MUC17: variants seen among roughly 807,000 people sequenced by gnomAD.
MUC17 encodes the protein mucin-17.
In MUC17, 190 loss-of-function variants were observed where a neutral mutation model predicts 170.3. The ratio of observed to expected loss-of-function variants is 1.12; its 90% CI spans 0.99 to 1.26. The LOEUF is 1.26. Ranked by LOEUF, MUC17 falls within the 50% of genes most tolerant of loss-of-function variation. MUC17 has a pLI of 0.00. For synonymous variants in MUC17, 2,325 were observed against 2,002.5 expected (o/e 1.16, Z -4.30); for missense variants, 6,415 against 5,530.0 (o/e 1.16, Z -5.08).
Position 101,041,888 on chromosome 7 carries a change from C to T in MUC17, c.10472C>T (p.Thr3491Ile), listed in dbSNP as rs1395519923. Residue 3491 changes from threonine (T) to isoleucine (I), a missense_variant, in exon 3 of 13, where the codon ACT becomes ATT. Transcript: ENST00000306151. The part of the protein sequence containing the change: ...TPVDTSTPVT[T>I]SSPTNSSPTT... ...GTTGACACCAGCACACCTGTGACCACTTCTTCTCCAACCAATTCATCTCCT... is the reference window on the plus strand; with the variant it reads ...GTTGACACCAGCACACCTGTGACCATTTCTTCTCCAACCAATTCATCTCCT... 9 of 1,613,406 alleles carry T rather than the reference C, an allele frequency of 5.6e-6. No homozygotes were observed. The highest frequency in any genetic ancestry group is 1.3e-5 in the African/African-American group (1 of 74,768).
rs1479402929 is a variant in MUC17 at position 101,039,712 on chromosome 7, T to A, written c.8296T>A (p.Ser2766Thr). ...ILVSTLPVAS[S>T]EASTVSTTAV... Reference sequence around the variant, plus strand: ...TGTCAGCACCCTGCCAGTGGCCAGTTCTGAGGCTAGCACCGTTTCAACAAC... The same window carrying A: ...TGTCAGCACCCTGCCAGTGGCCAGTACTGAGGCTAGCACCGTTTCAACAAC... Residue 2766 changes from serine (S) to threonine (T), a missense_variant, in exon 3 of 13, where the codon TCT becomes ACT. Coordinates refer to ENST00000306151, the MANE Select transcript of MUC17 (RefSeq NM_001040105.2). 4 of 1,613,094 alleles carry A rather than the reference T, an allele frequency of 2.5e-6. No individual in the cohort carries two copies. The African/African-American group carries it at 4.0e-5, about 16-fold the overall frequency.
rs58623975 is a variant in MUC17, at chr7:101,054,057, C to CAAAAAAAAA, written c.13363+648_13363+656dup. On this transcript the variant is annotated intron_variant, in intron 11 of 12. Coordinates refer to ENST00000306151, the MANE Select transcript of MUC17 (RefSeq NM_001040105.2). ...CCTGGGCAACAGAACAAGACCCTGT[C>CAAAAAAAAA]AAAAAAAAAAAAAAAAAAAAAAAAA... Among the ~76,000 whole-genome samples, 34 of 40,382 alleles carry CAAAAAAAAA rather than the reference C, an allele frequency of 8.4e-4. 1 individual carries two copies. Among genetic ancestry groups the CAAAAAAAAA allele is most frequent in the South Asian group, 2.1e-3 (1 of 468 alleles). The allele number at this position is 40,382 out of a possible 152,430, so 26.5% of individuals were successfully genotyped here.
In MUC17 at chr7:101,046,278, A is replaced by G. The variant is rs146705644; in HGVS notation, c.12404-1706A>G. Among the ~76,000 whole-genome samples the G allele has an allele frequency of 8.0e-3, 1,218 of 152,292 alleles. 16 individuals carry two copies. The highest frequency in any genetic ancestry group is 0.027 in the African/African-American group (1,129 of 41,540). On this transcript the variant is annotated intron_variant, in intron 3 of 12. Transcript: ENST00000306151. ...GCAGAGGTGAGGCAGGTCTTTGCAG[A>G]GTCTATACATACCTCGTGCACTTCC... is the stretch of plus-strand genomic sequence containing the variant.
rs774213963 is a variant in MUC17 at position 101,036,125 on chromosome 7, A to G, written c.4709A>G (p.Glu1570Gly). The change falls in exon 3 of 13, where the codon GAA becomes GGA. Residue 1570 changes from glutamate to glycine, a missense_variant. By Grantham distance (98) the Glu-to-Gly change is moderately conservative. Transcript: ENST00000306151. ...GTSMQTSTYS[E>G]GSTPLTSLPV... ...AGCATGCAAACCTCAACTTATAGTG[A>G]AGGAAGCACTCCACTAACAAGTTTG... 1.9e-6 allele frequency: 3 copies of G among 1,613,152 alleles called. No individual in the cohort carries two copies. The highest frequency in any genetic ancestry group is 2.5e-6 in the Non-Finnish European group (3 of 1,179,384).
Position 101,033,774 on chromosome 7 carries a change from C to G in MUC17, c.2358C>G (p.Cys786Trp). 1 of 1,612,948 alleles carries G rather than the reference C, an allele frequency of 6.2e-7. No homozygotes were observed. Among genetic ancestry groups the G allele is most frequent in the Non-Finnish European group, 8.5e-7 (1 of 1,179,684 alleles). ...THITTSTEAS[C>W]SPTTTEGTSM... is the part of the protein sequence containing the mutation. ...TCACCACTTCTACTGAAGCCAGTTG[C>G]TCTCCTACAACCACTGAAGGTACCA... Residue 786 changes from cysteine to tryptophan, a missense_variant, in exon 3 of 13, where the codon TGC becomes TGG. Cys to Trp is a radical substitution (Grantham distance 215). Coordinates refer to ENST00000306151, the MANE Select transcript of MUC17 (RefSeq NM_001040105.2).
Position 101,042,553 on chromosome 7 carries a change from A to T in MUC17, c.11137A>T (p.Thr3713Ser), listed in dbSNP as rs149061539. 1 of 1,614,094 alleles carries T rather than the reference A, an allele frequency of 6.2e-7. No homozygotes were observed. Among genetic ancestry groups the T allele is most frequent in the Admixed American group, 1.7e-5 (1 of 60,012 alleles). ...TTRVTSSEGS[T>S]LSTPSVVTST... ...ACGTGTGACCAGCTCTGAGGGTAGC[A>T]CCCTTTCAACACCTTCTGTTGTCAC... The change falls in exon 3 of 13, where the codon ACC (threonine) becomes TCC (serine). Residue 3713 changes from threonine (T) to serine (S), a missense_variant. By Grantham distance (58) the Thr-to-Ser change is moderately conservative. Coordinates refer to ENST00000306151, the MANE Select transcript of MUC17 (RefSeq NM_001040105.2).
At chr7:101,057,919 T>C (rs1019739587) in intron 12 of MUC17, 84 bp from the exon 13 acceptor site, 1 of 1,182,976 alleles carries the variant, frequency 8.5e-7, no homozygotes, top group Middle Eastern at 2.0e-4. Flanking sequence ...AACAGAACAC[T>C]TCCTATCCCA....
Position 101,033,592 on chromosome 7 carries a change from A to G in MUC17, c.2176A>G (p.Ser726Gly). The G allele has an allele frequency of 6.2e-7, 1 of 1,613,450 alleles. No individual in the cohort carries two copies. The highest frequency in any genetic ancestry group is 1.3e-5 in the African/African-American group (1 of 74,854). Residue 726 changes from serine (S) to glycine (G), a missense_variant, in exon 3 of 13, where the codon AGT (serine) becomes GGT (glycine). Physicochemically the swap from Ser to Gly is moderately conservative, Grantham distance 56 (BLOSUM62 0). Coordinates refer to ENST00000306151, the MANE Select transcript of MUC17 (RefSeq NM_001040105.2). ...STPVTTSTEA[S>G]SSPTTADGAS... ...ACCTGTGACCACTTCAACTGAAGCCAGTTCCTCTCCTACAACTGCTGATGG... is the reference window on the plus strand; with the variant it reads ...ACCTGTGACCACTTCAACTGAAGCCGGTTCCTCTCCTACAACTGCTGATGG...
At chr7:101,049,450 T>C (rs1406090360) in intron 6 of MUC17, 68 bp downstream of exon 6, 10 of 1,557,584 alleles carry the variant, frequency 6.4e-6, no homozygotes, top group Non-Finnish European at 8.7e-6. Flanking sequence ...ATAAAGGCAA[T>C]TAGAACTGTG....
rs111869242 is a variant in MUC17, at chr7:101,042,446, T to G, written c.11030T>G (p.Val3677Gly). The change falls in exon 3 of 13, where the codon GTG becomes GGG. Residue 3677 changes from valine (V) to glycine (G), a missense_variant. Coordinates refer to ENST00000306151, the MANE Select transcript of MUC17 (RefSeq NM_001040105.2). ...ITSTQVSSSP[V>G]TPEGTTMPIW... ...TCTACCCAAGTCAGTTCATCTCCTG[T>G]GACTCCTGAAGGTACCACCATGCCA... is the stretch of plus-strand genomic sequence containing the variant. The G allele has an allele frequency of 1.4e-5, 23 of 1,612,722 alleles. No individual in the cohort carries two copies. Among genetic ancestry groups the G allele is most frequent in the Admixed American group, 3.3e-5 (2 of 59,896 alleles).
Position 101,043,036 on chromosome 7 carries a change from A to C in MUC17, c.11620A>C (p.Thr3874Pro), listed in dbSNP as rs1221628281. The C allele has an allele frequency of 6.2e-7, 1 of 1,614,086 alleles. No homozygotes were observed. Among genetic ancestry groups the C allele is most frequent in the Admixed American group, 1.7e-5 (1 of 60,014 alleles). ...TATTTCAATTACCAGTGAAAGAAGCACTCCATTAACAACTCTCCTTGTCAG... is the reference window on the plus strand; with the variant it reads ...TATTTCAATTACCAGTGAAAGAAGCCCTCCATTAACAACTCTCCTTGTCAG... ...IRISITSERSTPLTTLLVSTT... is the reference protein window; with the variant it reads ...IRISITSERSPPLTTLLVSTT... Residue 3874 changes from threonine (T) to proline (P), a missense_variant, in exon 3 of 13, where the codon ACT (threonine) becomes CCT (proline). Transcript: ENST00000306151.
At chr7:101,049,513 G>C (rs540741845) in intron 6 of MUC17, 131 bp downstream of exon 6, 3 of 1,254,570 alleles carry the variant, frequency 2.4e-6, no homozygotes, top group African/African-American at 3.1e-5. Flanking sequence ...CCGATGGGGC[G>C]GCTTAAACAA....
rs758651016 is a variant in MUC17, at chr7:101,037,765, C to G, written c.6349C>G (p.Pro2117Ala). The G allele has an allele frequency of 6.6e-5, 107 of 1,611,418 alleles. No homozygotes were observed. The highest frequency in any genetic ancestry group is 8.7e-5 in the Non-Finnish European group (103 of 1,178,892). Reference protein sequence around the residue: ...IPLSTTPVASPEASTLSTTPV... With the variant: ...IPLSTTPVASAEASTLSTTPV... ...TCTCAGCACCACGCCGGTGGCCAGT[C>G]CTGAGGCTAGCACCCTTTCAACAAC... The change falls in exon 3 of 13, where the codon CCT (proline) becomes GCT (alanine). Residue 2117 changes from proline to alanine, a missense_variant. Transcript: ENST00000306151.
intron 1 of MUC17, among the ~76,000 whole-genome samples, chr7:101,026,637 T>G (rs1302437754): frequency 6.6e-6 from 1 of 152,068 alleles, no homozygotes; most frequent in Non-Finnish European, 1.5e-5. Context: ...CAGGCTGGAG[T>G]GCGGTGGTGC....
chr7:101,042,880 A>G lies in MUC17; in HGVS notation c.11464A>G (p.Ser3822Gly). ...CACTTTATTGACAACTGTCCTCATC[A>G]GCCCTATATCTGTGATGAGTCCTTC... ...RSTLLTTVLI[S>G]PISVMSPSEA... The change falls in exon 3 of 13, where the codon AGC becomes GGC. Residue 3822 changes from serine to glycine, a missense_variant. Coordinates refer to ENST00000306151, the MANE Select transcript of MUC17 (RefSeq NM_001040105.2). 6.2e-7 allele frequency: 1 copy of G among 1,614,056 alleles called. No individual in the cohort carries two copies. Among genetic ancestry groups the G allele is most frequent in the Non-Finnish European group, 8.5e-7 (1 of 1,180,002 alleles).
intron 1 of MUC17, among the ~76,000 whole-genome samples, chr7:101,029,270 T>A (rs1257855307): frequency 1.3e-5 from 2 of 151,128 alleles, no homozygotes; most frequent in African/African-American, 4.9e-5. Context: ...GCAGGAGGAT[T>A]GCTTGAACCT....
At position 101,032,084 on chromosome 7, in the gene MUC17, C is replaced by T. The variant is rs765359937; in HGVS notation, c.668C>T (p.Ala223Val). The change falls in exon 3 of 13, where the codon GCC becomes GTC. Residue 223 changes from alanine (A) to valine (V), a missense_variant. Coordinates refer to ENST00000306151, the MANE Select transcript of MUC17 (RefSeq NM_001040105.2). The part of the protein sequence containing the change: ...EGSTPLTSMP[A>V]STMKVASSEA... ...AGCACTCCATTAACAAGTATGCCTG[C>T]CAGCACCATGAAGGTGGCCAGTTCA... The T allele has an allele frequency of 1.2e-5, 19 of 1,613,804 alleles. 1 individual carries two copies. In the South Asian group the frequency reaches 2.0e-4, roughly 17 times the overall value.
Position 101,036,031 on chromosome 7 carries a change from G to C in MUC17, c.4615G>C (p.Ala1539Pro). The C allele has an allele frequency of 6.2e-7, 1 of 1,612,128 alleles. No homozygotes were observed. Among genetic ancestry groups the C allele is most frequent in the Non-Finnish European group, 8.5e-7 (1 of 1,178,928 alleles). Reference sequence around the variant, plus strand: ...AATCAACAGCCTTTCAACAACTCCTGCTGTCACCAGCACACCTGTGACCAC... The same window carrying C: ...AATCAACAGCCTTTCAACAACTCCTCCTGTCACCAGCACACCTGTGACCAC... ...SEINSLSTTP[A>P]VTSTPVTTYS... is the part of the protein sequence containing the mutation. Residue 1539 changes from alanine to proline, a missense_variant, in exon 3 of 13, where the codon GCT becomes CCT. By Grantham distance (27) the Ala-to-Pro change is conservative. Transcript: ENST00000306151.
Position 101,031,795 on chromosome 7 carries a change from A to C in MUC17, c.379A>C (p.Thr127Pro). 6.2e-7 allele frequency: 1 copy of C among 1,609,952 alleles called. No individual in the cohort carries two copies. The highest frequency in any genetic ancestry group is 8.5e-7 in the Non-Finnish European group (1 of 1,176,234). Reference sequence around the variant, plus strand: ...TTCAGAATCTACCAGTGACAGCACCACACTTTTCCCCAGTTCTACTGAAGA... The same window carrying C: ...TTCAGAATCTACCAGTGACAGCACCCCACTTTTCCCCAGTTCTACTGAAGA... ...TTSESTSDST[T>P]LFPSSTEDTS... is the part of the protein sequence containing the mutation. The change falls in exon 3 of 13, where the codon ACA (threonine) becomes CCA (proline). Residue 127 changes from threonine (T) to proline (P), a missense_variant. By Grantham distance (38) the Thr-to-Pro change is conservative (BLOSUM62 -1). Transcript: ENST00000306151.
Sources: gnomAD v4.1 joint callset for allele counts (sites outside exome capture counted in the v4.1 genomes callset) on GRCh38, gnomAD v4.1.1 for gene constraint, MANE v1.5 for transcripts, NCBI Gene and HGNC (gene_info 2026-07-23, HGNC 2026-07-21) for gene names.